Variants in DMD observed in about 807,000 individuals in gnomAD.
DMD encodes mutant dystrophin.
A neutral mutation model predicts 330.1 loss-of-function variants in DMD; 63 were observed. The ratio of observed to expected loss-of-function variants is 0.19; its 90% CI spans 0.16 to 0.24. DMD has a LOEUF of 0.24. Ranked by LOEUF, DMD falls within the 10% of genes least tolerant of loss-of-function variation. The pLI, the probability that DMD is intolerant of heterozygous loss-of-function variation, is 1.00. For synonymous variants in DMD, 1,223 were observed against 959.8 expected (o/e 1.27, Z -5.07); for missense variants, 3,344 against 2,684.1 (o/e 1.25, Z -5.43).
At chrX:32,909,817 C>T (rs751021088) in intron 2 of DMD, among the ~76,000 whole-genome samples, 1 of 111,934 alleles carries the variant, frequency 8.9e-6, no homozygotes, top group African/African-American at 3.2e-5. Context: ...TATTCCAAAA[C>T]ATTCTTACTA....
intron 50 of DMD, among the ~76,000 whole-genome samples, chrX:31,809,994 G>C (rs1220116737): frequency 9.1e-6 from 1 of 110,304 alleles, no homozygotes; most frequent in African/African-American, 3.3e-5. Context: ...AATCTTCTTG[G>C]TATTATTATT....
At chrX:32,056,581 T>C (rs1196551851) in intron 44 of DMD, among the ~76,000 whole-genome samples, 3 of 110,289 alleles carry the variant, frequency 2.7e-5, no homozygotes, top group African/African-American at 6.6e-5. Flanking sequence ...CTTGAAGAAA[T>C]AGAAAATCTG....
rs190331187 is a variant in DMD at position 32,729,279 on chromosome X, T to A, written c.650-29986A>T. ...TGAAAATATCCAAAATCCAAAACAC[T>A]TCTGGTCCCAAGCATTTTGGATAAG... On this transcript the variant is annotated intron_variant, in intron 7 of 78. Coordinates refer to ENST00000357033, the MANE Select transcript of DMD (RefSeq NM_004006.3). Among the ~76,000 whole-genome samples, 539 of 111,881 alleles carry A rather than the reference T, an allele frequency of 4.8e-3. 1 individual carries two copies. The highest frequency in any genetic ancestry group is 0.012 in the Admixed American group (127 of 10,510).
chrX:31,305,248 A>T (rs12011438), intron 62 of DMD, among the ~76,000 whole-genome samples: 7,545 of 111,879 alleles, frequency 0.067, 643 homozygotes, highest in African/African-American at 0.23. Flanking sequence ...TCACCAACAT[A>T]TCATTTATTT....
At chrX:31,331,862 C>G (rs2057142581) in intron 61 of DMD, among the ~76,000 whole-genome samples, 1 of 112,005 alleles carries the variant, frequency 8.9e-6, no homozygotes, top group African/African-American at 3.2e-5. Flanking sequence ...AATTTGAAAC[C>G]TGAGACAGTA....
intron 7 of DMD, among the ~76,000 whole-genome samples, chrX:32,805,945 G>T (rs1205920510): frequency 8.9e-6 from 1 of 111,840 alleles, no homozygotes; most frequent in Non-Finnish European, 1.9e-5. Context: ...ACTAAATATG[G>T]CAAGGACAAA....
At chrX:32,433,254 A>G (rs750278433) in intron 29 of DMD, among the ~76,000 whole-genome samples, 14 of 112,377 alleles carry the variant, frequency 1.2e-4, no homozygotes, top group African/African-American at 4.5e-4. Flanking sequence ...AGGGTCACAG[A>G]GATTGGAGGT....
intron 44 of DMD, among the ~76,000 whole-genome samples, chrX:31,975,632 C>T (rs1489767843): frequency 8.9e-6 from 1 of 111,992 alleles, no homozygotes; most frequent in Non-Finnish European, 1.9e-5. Flanking sequence ...CCTCTGAACA[C>T]ATTAAATGTT....
rs954115456 is a variant in DMD, at chrX:32,894,486, C to T, written c.94-44666G>A. Among the ~76,000 whole-genome samples the T allele has an allele frequency of 8.9e-5, 10 of 112,608 alleles. No homozygotes were observed. The South Asian group carries it at 1.5e-3, about 16-fold the overall frequency. On this transcript the variant is annotated intron_variant, in intron 2 of 78. Coordinates refer to ENST00000357033, the MANE Select transcript of DMD (RefSeq NM_004006.3). ...TGAGCGGGCAAACCAACGCTGCTTGCGGGCAGCATGCAGTTTATATAGCAT... is the reference window on the plus strand; with the variant it reads ...TGAGCGGGCAAACCAACGCTGCTTGTGGGCAGCATGCAGTTTATATAGCAT...
chrX:32,584,135 G>C (rs1370442731), intron 13 of DMD, among the ~76,000 whole-genome samples: 1 of 110,972 alleles, frequency 9.0e-6, no homozygotes, highest in African/African-American at 3.3e-5. Flanking sequence ...AGAAAAACAG[G>C]CATTTCAGAG....
At chrX:32,467,632 G>GTATATATA (rs5902033) in intron 23 of DMD, among the ~76,000 whole-genome samples, 1 of 100,176 alleles carries the variant, frequency 1.0e-5, no homozygotes, top group South Asian at 4.5e-4. Flanking sequence ...CATTATACAC[G>GTATATATA]TATATATATA....
At chrX:33,233,789 C>G (rs1040802911) in intron 1 of DMD, among the ~76,000 whole-genome samples, 1 of 111,487 alleles carries the variant, frequency 9.0e-6, no homozygotes, top group Non-Finnish European at 1.9e-5. Flanking sequence ...TAAATATATA[C>G]ACACACATGA....
chrX:32,322,060 A>G (rs898734120), intron 41 of DMD, among the ~76,000 whole-genome samples: 2 of 111,193 alleles, frequency 1.8e-5, no homozygotes, highest in Admixed American at 9.7e-5. Flanking sequence ...CAATTTAAAG[A>G]CAAATAGAAA....
intron 41 of DMD, among the ~76,000 whole-genome samples, chrX:32,332,374 C>T (rs1260559422): frequency 4.8e-5 from 5 of 104,450 alleles, no homozygotes; most frequent in Non-Finnish European, 5.8e-5. Context: ...TGGTCATGCA[C>T]TTTATTGAGA....
intron 1 of DMD, among the ~76,000 whole-genome samples, chrX:33,194,542 ATCTTT>A (rs1569558090): frequency 1.8e-5 from 2 of 111,845 alleles, no homozygotes; most frequent in Non-Finnish European, 3.8e-5. Flanking sequence ...ACTATATCGC[ATCTTT>A]TCTTTGGTTG....
At chrX:32,752,296 T>A (rs779688858) in intron 7 of DMD, among the ~76,000 whole-genome samples, 1 of 111,273 alleles carries the variant, frequency 9.0e-6, no homozygotes, top group Non-Finnish European at 1.9e-5. Flanking sequence ...CAAGACCACG[T>A]GAACCCCTCT....
chrX:31,295,890 C>T (rs1407769847), intron 62 of DMD, among the ~76,000 whole-genome samples: 2 of 111,590 alleles, frequency 1.8e-5, no homozygotes, highest in East Asian at 2.8e-4. Context: ...GATGTAATAG[C>T]TTCATTTGCA....
intron 18 of DMD, among the ~76,000 whole-genome samples, chrX:32,510,154 T>C (rs755534447): frequency 4.5e-4 from 50 of 112,057 alleles, no homozygotes; most frequent in Non-Finnish European, 8.1e-4. Flanking sequence ...CTCAAGTCCT[T>C]ACCATGGTCT....
intron 52 of DMD, among the ~76,000 whole-genome samples, chrX:31,687,717 C>T (rs2082782228): frequency 8.9e-6 from 1 of 111,852 alleles, no homozygotes; most frequent in South Asian, 3.8e-4. Context: ...CTGGATATGC[C>T]CGGGGCCTAA....
Sources: allele counts gnomAD v4.1 joint callset (sites outside exome capture counted in the v4.1 genomes callset), GRCh38; gene constraint gnomAD v4.1.1; transcripts MANE v1.5; gene names NCBI Gene and HGNC (gene_info 2026-07-23, HGNC 2026-07-21).